The following SFMBT2 variants were observed in gnomAD, a reference collection of about 807,000 sequenced individuals.
SFMBT2 encodes scm-like with four MBT domains protein 2.
In SFMBT2, 38 loss-of-function variants were observed where a neutral mutation model predicts 110.1. That is an observed-to-expected ratio of 0.35 (90% confidence interval 0.27 to 0.45). SFMBT2 has a LOEUF of 0.45. Among genes scored for constraint, SFMBT2 ranks in the 20% least tolerant of loss-of-function variants. The probability of loss-of-function intolerance (pLI) is 1.00; values close to 1 mark genes in which losing one functional copy is unlikely to be tolerated. For synonymous variants in SFMBT2, 425 were observed against 425.4 expected (o/e 1.00, Z 0.01); for missense variants, 1,011 against 1,094.9 (o/e 0.92, Z 1.08).
intron 4 of SFMBT2, among the ~76,000 whole-genome samples, chr10:7,297,481 G>A (rs1000318130): frequency 6.6e-6 from 1 of 152,128 alleles, no homozygotes; most frequent in African/African-American, 2.4e-5. Flanking sequence ...GGGCTGGGCA[G>A]GGGCTCAGAG....
intron 4 of SFMBT2, among the ~76,000 whole-genome samples, chr10:7,318,719 C>T (rs1472845612): frequency 6.6e-6 from 1 of 152,242 alleles, no homozygotes; most frequent in East Asian, 1.9e-4. Flanking sequence ...GTTCGCGTCT[C>T]CGCGTCTTCT....
rs552849139 is a variant in SFMBT2, at chr10:7,350,975, T to C, written c.436+16674A>G. Among the ~76,000 whole-genome samples the C allele has an allele frequency of 3.9e-5, 6 of 152,350 alleles. No individual in the cohort carries two copies. In the South Asian group the frequency reaches 1.2e-3, roughly 32 times the overall value. On this transcript the variant is annotated intron_variant, in intron 4 of 20. Transcript: ENST00000397167. ...CGCTCCTCTGGTAAAAGGCATTAGA[T>C]TGCTCTACTGTTGATACCACTTTTC...
chr10:7,210,557 G>A (rs1839310206), intron 11 of SFMBT2, among the ~76,000 whole-genome samples: 1 of 152,206 alleles, frequency 6.6e-6, no homozygotes, highest in African/African-American at 2.4e-5. Flanking sequence ...AGTATTTAAG[G>A]GAATGTGTTA....
At chr10:7,205,098 A>T in intron 12 of SFMBT2, 11 of 289,910 alleles carry the variant, frequency 3.8e-5, no homozygotes, top group Non-Finnish European at 4.6e-5. Context: ...TTTTTGAGAC[A>T]GAGTCTCACC....
At chr10:7,195,600 C>T (rs1838743326) in intron 15 of SFMBT2, among the ~76,000 whole-genome samples, 1 of 152,184 alleles carries the variant, frequency 6.6e-6, no homozygotes, top group Non-Finnish European at 1.5e-5. Context: ...TGGGTCCATC[C>T]CTTGCAGTCT....
At position 7,160,894 on chromosome 10, in the gene SFMBT2, G is replaced by A. The variant is rs1837533171; in HGVS notation, c.*2876C>T. 6.6e-6 allele frequency: 1 copy of A among 152,262 alleles called. No individual in the cohort carries two copies. The highest frequency in any genetic ancestry group is 2.4e-5 in the African/African-American group (1 of 41,464). The allele number at this position is 152,262 out of a possible 1,614,324, so 9.4% of individuals were successfully genotyped here. ...GACACTGGCAACAGCTGGAGGAAAA[G>A]CACCTCCTGGGTCCTAAAATCTTTC... is the stretch of plus-strand genomic sequence containing the variant. On this transcript the variant is annotated 3_prime_UTR_variant, in exon 21 of 21. Coordinates refer to ENST00000397167, the MANE Select transcript of SFMBT2 (RefSeq NM_001387889.1).
At chr10:7,389,406 G>A (rs144779071) in intron 1 of SFMBT2, among the ~76,000 whole-genome samples, 26 of 152,254 alleles carry the variant, frequency 1.7e-4, no homozygotes, top group Admixed American at 1.6e-3. Flanking sequence ...TAAGCTATAC[G>A]TAATTTCAAG....
chr10:7,214,680 C>T (rs768533334), intron 11 of SFMBT2: 16 of 985,406 alleles, frequency 1.6e-5, no homozygotes, highest in Middle Eastern at 5.2e-4. Context: ...ATGTGAAGTT[C>T]GTGGTACAAG....
At chr10:7,286,000 C>A (rs1216394408) in intron 4 of SFMBT2, 46 bp from the exon 5 acceptor site, 1 of 828,194 alleles carries the variant, frequency 1.2e-6, no homozygotes. Flanking sequence ...ACAAAAAAAA[C>A]ACTTCAACAC....
chr10:7,349,440 C>CTTTTCTTTTT (rs1554808159), intron 4 of SFMBT2, among the ~76,000 whole-genome samples: 2 of 46,888 alleles, frequency 4.3e-5, no homozygotes, highest in African/African-American at 1.8e-4. Flanking sequence ...CTTTTCTTTT[C>CTTTTCTTTTT]TTTTTTTTTT....
At chr10:7,359,687 C>T (rs1470536464) in intron 4 of SFMBT2, among the ~76,000 whole-genome samples, 2 of 152,156 alleles carry the variant, frequency 1.3e-5, no homozygotes, top group African/African-American at 4.8e-5. Flanking sequence ...GGTTACCATT[C>T]GGCAAAGAAC....
At chr10:7,186,425 T>TAC (rs780362808) in intron 16 of SFMBT2, among the ~76,000 whole-genome samples, 98 of 109,384 alleles carry the variant, frequency 9.0e-4, no homozygotes, top group South Asian at 1.8e-3. Context: ...ATACTATATA[T>TAC]ACACACACAC....
At chr10:7,370,677 G>A (rs1053027686) in intron 2 of SFMBT2, 1 of 202,634 alleles carries the variant, frequency 4.9e-6, no homozygotes, top group Non-Finnish European at 8.8e-6. Context: ...TCGTGTAATA[G>A]TTTGAAATTA....
rs191027004 is a variant in SFMBT2, at chr10:7,391,224, T to G, written c.-51-9275A>C. The stretch of plus-strand genomic sequence containing the variant: ...GGCTCACGCCTGTAATCCCAGCACT[T>G]TGGAAGCCCAAGGCGGGTGGATCAC... On this transcript the variant is annotated intron_variant, in intron 1 of 20. Coordinates refer to ENST00000397167, the MANE Select transcript of SFMBT2 (RefSeq NM_001387889.1). Among the ~76,000 whole-genome samples, 729 of 150,988 alleles carry G rather than the reference T, an allele frequency of 4.8e-3. 8 individuals carry two copies. The highest frequency in any genetic ancestry group is 0.017 in the African/African-American group (680 of 41,072).
rs1362667747 is a variant in SFMBT2, at chr10:7,381,782, C to G, written c.100+17G>C. 1.1e-5 allele frequency: 18 copies of G among 1,607,678 alleles called. No individual in the cohort carries two copies. Among genetic ancestry groups the G allele is most frequent in the Non-Finnish European group, 1.5e-5 (18 of 1,177,740 alleles). On this transcript the variant is annotated intron_variant, in intron 2 of 20. Coordinates refer to ENST00000397167, the MANE Select transcript of SFMBT2 (RefSeq NM_001387889.1). ...ATTCATCAAAAATCCAGATGAATCT[C>G]GAAAACAAAATCCTACCAGAATCAA...
chr10:7,339,043 C>T (rs1351690116), intron 4 of SFMBT2, among the ~76,000 whole-genome samples: 2 of 152,124 alleles, frequency 1.3e-5, no homozygotes, highest in Non-Finnish European at 2.9e-5. Context: ...AGTTCGAGAC[C>T]AGCCTGGCCA....
intron 2 of SFMBT2, among the ~76,000 whole-genome samples, chr10:7,378,437 GT>G (rs1845325159): frequency 2.3e-5 from 2 of 85,994 alleles, no homozygotes; most frequent in African/African-American, 5.8e-5. Context: ...GAGTGTGGGT[GT>G]GTGTGGGTGT....
chr10:7,388,337 A>G (rs1287448527), intron 1 of SFMBT2, among the ~76,000 whole-genome samples: 1 of 150,646 alleles, frequency 6.6e-6, no homozygotes, highest in Non-Finnish European at 1.5e-5. Flanking sequence ...GATGATGATG[A>G]TGATGATGAT....
rs763140220 is a variant in SFMBT2 at position 7,159,083 on chromosome 10, T to A, written c.*4687A>T. On this transcript the variant is annotated 3_prime_UTR_variant, in exon 21 of 21. Coordinates refer to ENST00000397167, the MANE Select transcript of SFMBT2 (RefSeq NM_001387889.1). ...CAACGATTGTCCTAGAATTTTCCTT[T>A]TTTCGTCAGCACATCGCTTCAGCCA... 2 of 152,206 alleles carry A rather than the reference T, an allele frequency of 1.3e-5. No individual in the cohort carries two copies. The highest frequency in any genetic ancestry group is 2.9e-5 in the Non-Finnish European group (2 of 68,038). The allele number at this position is 152,206 out of a possible 1,614,324, so 9.4% of individuals were successfully genotyped here.
Sources: gnomAD v4.1 joint callset for allele counts (sites outside exome capture counted in the v4.1 genomes callset) on GRCh38, gnomAD v4.1.1 for gene constraint, MANE v1.5 for transcripts, NCBI Gene and HGNC (gene_info 2026-07-23, HGNC 2026-07-21) for gene names.